Variants in OPCML observed in about 807,000 individuals in gnomAD.
OPCML encodes the protein opioid binding protein/cell adhesion molecule like.
OPCML carries 13 observed loss-of-function variants against 37.8 expected under a neutral mutation model. That is an observed-to-expected ratio of 0.34 (90% CI 0.22 to 0.55). The LOEUF (loss-of-function observed/expected upper bound fraction) is 0.55, where lower values mean the gene tolerates loss of function less well. Ranked by LOEUF, OPCML falls within the 20% of genes least tolerant of loss-of-function variation. The pLI is 0.91. For synonymous variants in OPCML, 176 were observed against 168.8 expected (o/e 1.04, Z -0.33); for missense variants, 341 against 435.6 (o/e 0.78, Z 1.93).
chr11:133,013,445 G>A (rs1947260397), intron 1 of OPCML, among the ~76,000 whole-genome samples: 1 of 152,128 alleles, frequency 6.6e-6, no homozygotes, highest in South Asian at 2.1e-4. Context: ...TCTTATAAAG[G>A]TTTATTTAAA....
intron 1 of OPCML, among the ~76,000 whole-genome samples, chr11:133,111,883 G>A (rs531018252): frequency 5.9e-5 from 9 of 152,252 alleles, no homozygotes; most frequent in Middle Eastern, 3.4e-3. Flanking sequence ...AGGATGGGTG[G>A]AGGATGTTTA....
intron 2 of OPCML, among the ~76,000 whole-genome samples, chr11:132,799,629 T>C (rs992970373): frequency 6.6e-6 from 1 of 151,976 alleles, no homozygotes; most frequent in South Asian, 2.1e-4. Context: ...ATTGTGAGAA[T>C]TAATAATATG....
chr11:132,724,180 C>A (rs1393735071), intron 2 of OPCML, among the ~76,000 whole-genome samples: 1 of 152,090 alleles, frequency 6.6e-6, no homozygotes, highest in Non-Finnish European at 1.5e-5. Context: ...CTCCCACCAC[C>A]CCTTCTTTAG....
rs559500835 is a variant in OPCML, at chr11:132,572,553, A to G, written c.380-43367T>C. 8.2e-4 allele frequency among the ~76,000 whole-genome samples: 125 copies of G among 152,152 alleles called. 2 individuals carry two copies. In the South Asian group the frequency reaches 0.025, roughly 31 times the overall value. On this transcript the variant is annotated intron_variant, in intron 3 of 7. Transcript: ENST00000524381. ...TTCTTGGCACCCTTGTTGAAGATCA[A>G]TTGACTATGTATGTGAATTTATTTC...
At chr11:133,075,609 A>G (rs576844940) in intron 1 of OPCML, among the ~76,000 whole-genome samples, 3 of 152,312 alleles carry the variant, frequency 2.0e-5, no homozygotes, top group Admixed American at 6.5e-5. Flanking sequence ...CTGGCCCCCC[A>G]AGAAAAGTCT....
chr11:132,499,355 C>T (rs1171534594), intron 4 of OPCML, among the ~76,000 whole-genome samples: 3 of 152,286 alleles, frequency 2.0e-5, no homozygotes, highest in Non-Finnish European at 2.9e-5. Context: ...CTGCCTCCCT[C>T]AGAAGAGCTA....
rs1555152113 is a variant in OPCML at position 132,554,873 on chromosome 11, T to TTTTTG, written c.380-25688_380-25687insCAAAA. Reference sequence around the variant, plus strand: ...TGGGAATGGGGTAAAGTTTTTTTTTTTTTTTTTTTTTTTTTTTTCATTAGC... The same window carrying TTTTTG: ...TGGGAATGGGGTAAAGTTTTTTTTTTTTTTGTTTTTTTTTTTTTTTTTTCATTAGC... On this transcript the variant is annotated intron_variant, in intron 3 of 7. Transcript: ENST00000524381. Among the ~76,000 whole-genome samples, 13 of 131,348 alleles carry TTTTTG rather than the reference T, an allele frequency of 9.9e-5. 1 individual carries two copies. Among genetic ancestry groups the TTTTTG allele is most frequent in the African/African-American group, 3.8e-4 (13 of 34,020 alleles). 86.2% of individuals were successfully genotyped at this position (131,348 alleles called of 152,430 possible). A position where few individuals can be genotyped will look rare whatever the true frequency, so the allele number is the denominator to read the frequency against.
chr11:132,917,580 AAC>A (rs551185473), intron 2 of OPCML, among the ~76,000 whole-genome samples: 3 of 152,294 alleles, frequency 2.0e-5, no homozygotes, highest in African/African-American at 7.2e-5. Flanking sequence ...GAAGAAAATT[AAC>A]AGTGTTCTGA....
rs77229360 is a variant in OPCML at position 133,523,869 on chromosome 11, A to T, written c.61+8395T>A. Reference sequence around the variant, plus strand: ...CTCCTCCTCCTTCAAATCTCTGTTCAATTGTCACTTTCATAACCAAGGCTT... The same window carrying T: ...CTCCTCCTCCTTCAAATCTCTGTTCTATTGTCACTTTCATAACCAAGGCTT... On this transcript the variant is annotated intron_variant, in intron 1 of 7. Transcript: ENST00000524381. Among the ~76,000 whole-genome samples the T allele has an allele frequency of 3.2e-3, 480 of 152,300 alleles. 1 individual carries two copies. The highest frequency in any genetic ancestry group is 5.0e-3 in the Non-Finnish European group (343 of 68,034).
intron 1 of OPCML, among the ~76,000 whole-genome samples, chr11:133,141,590 A>G (rs1347940085): frequency 6.6e-6 from 1 of 151,988 alleles, no homozygotes; most frequent in Non-Finnish European, 1.5e-5. Context: ...TGCTTCCCAT[A>G]TCTTTATTGA....
intron 2 of OPCML, among the ~76,000 whole-genome samples, chr11:132,880,310 C>A (rs557617130): frequency 6.6e-6 from 1 of 152,334 alleles, no homozygotes; most frequent in East Asian, 1.9e-4. Flanking sequence ...CCATCTACAA[C>A]CTATCATCAG....
chr11:133,294,305 T>C (rs1488048049), intron 1 of OPCML, among the ~76,000 whole-genome samples: 1 of 152,118 alleles, frequency 6.6e-6, no homozygotes, highest in Non-Finnish European at 1.5e-5. Flanking sequence ...CCTCCCCTGG[T>C]GCTTGAGATC....
At chr11:132,672,295 A>G (rs1401940537) in intron 2 of OPCML, among the ~76,000 whole-genome samples, 3 of 152,220 alleles carry the variant, frequency 2.0e-5, no homozygotes, top group African/African-American at 2.4e-5. Context: ...TCAGTTCATT[A>G]TAATGAATAA....
At chr11:132,749,506 G>GA (rs1266514577) in intron 2 of OPCML, among the ~76,000 whole-genome samples, 1 of 152,110 alleles carries the variant, frequency 6.6e-6, no homozygotes, top group Non-Finnish European at 1.5e-5. Context: ...GTTAAGTTTG[G>GA]AAAACCTGTT....
chr11:133,240,233 AAAC>A (rs1228821352), intron 1 of OPCML, among the ~76,000 whole-genome samples: 3 of 151,602 alleles, frequency 2.0e-5, no homozygotes, highest in South Asian at 2.1e-4. Context: ...AAAAAAAAAA[AAAC>A]AGAGGGGCAA....
intron 2 of OPCML, among the ~76,000 whole-genome samples, chr11:132,930,413 A>T (rs1165765137): frequency 2.0e-5 from 3 of 152,136 alleles, no homozygotes; most frequent in Non-Finnish European, 4.4e-5. Context: ...TCAAAAAAGG[A>T]AAGGAAGAAG....
intron 1 of OPCML, among the ~76,000 whole-genome samples, chr11:133,514,504 G>A (rs531001416): frequency 7.2e-4 from 110 of 152,220 alleles, no homozygotes; most frequent in African/African-American, 2.5e-3. Flanking sequence ...ATCATTGCAG[G>A]GAGATACAGG....
chr11:132,439,549 G>T (rs1012014121), intron 4 of OPCML, among the ~76,000 whole-genome samples: 1 of 152,056 alleles, frequency 6.6e-6, no homozygotes, highest in Non-Finnish European at 1.5e-5. Flanking sequence ...TTCTCTATAG[G>T]CTAACAGAAT....
At chr11:133,449,895 A>G (rs1946547353) in intron 1 of OPCML, among the ~76,000 whole-genome samples, 1 of 151,762 alleles carries the variant, frequency 6.6e-6, no homozygotes, top group South Asian at 2.1e-4. Flanking sequence ...AATCATGGTA[A>G]TCCCATTCTT....
Sources: gnomAD v4.1 joint callset for allele counts (sites outside exome capture counted in the v4.1 genomes callset) on GRCh38, gnomAD v4.1.1 for gene constraint, MANE v1.5 for transcripts, NCBI Gene and HGNC (gene_info 2026-07-23, HGNC 2026-07-21) for gene names.